The following HIVEP3 variants were observed in gnomAD, a reference collection of about 807,000 sequenced individuals.
The protein encoded by HIVEP3 is transcription factor HIVEP3.
A neutral mutation model predicts 152.8 loss-of-function variants in HIVEP3; 49 were observed. The observed-to-expected ratio is 0.32, with a 90% CI of 0.26 to 0.41. The LOEUF is 0.41. HIVEP3 is among the 10% of genes least tolerant of loss of function. The pLI, the probability that HIVEP3 is intolerant of heterozygous loss-of-function variation, is 1.00. For synonymous variants in HIVEP3, 1,269 were observed against 1,289.0 expected (o/e 0.98, Z 0.33); for missense variants, 2,790 against 3,103.3 (o/e 0.90, Z 2.40).
At chr1:41,669,412 G>A (rs1016180739) in intron 2 of HIVEP3, among the ~76,000 whole-genome samples, 1 of 152,176 alleles carries the variant, frequency 6.6e-6, no homozygotes, top group African/African-American at 2.4e-5. Flanking sequence ...TGGGCCATGG[G>A]GTGCCCAGAC....
chr1:41,604,366 C>T lies in HIVEP3; in HGVS notation c.-521-19048G>A, dbSNP rs189016306. Among the ~76,000 whole-genome samples the T allele has an allele frequency of 2.6e-5, 4 of 152,262 alleles. No homozygotes were observed. In the East Asian group the frequency reaches 7.7e-4, roughly 29 times the overall value. On this transcript the variant is annotated intron_variant, in intron 3 of 8. Transcript: ENST00000372583. ...AATAAAAAAGAACAAAGTACTGCTA[C>T]AGACAAAAATATATATCTTACAGAT...
intron 1 of HIVEP3, among the ~76,000 whole-genome samples, chr1:41,736,956 C>T (rs1311572094): frequency 2.0e-5 from 3 of 152,178 alleles, no homozygotes; most frequent in Non-Finnish European, 4.4e-5. Flanking sequence ...ACTCTTCAGG[C>T]TCCAGCCACC....
chr1:41,622,794 T>A (rs1222688117), intron 3 of HIVEP3, among the ~76,000 whole-genome samples: 1 of 152,162 alleles, frequency 6.6e-6, no homozygotes, highest in Admixed American at 6.5e-5. Flanking sequence ...AAAGGGAAGG[T>A]GGCTGGGAGG....
chr1:41,914,071 A>T (rs1437825969), intron 1 of HIVEP3, among the ~76,000 whole-genome samples: 1 of 152,166 alleles, frequency 6.6e-6, no homozygotes, highest in Non-Finnish European at 1.5e-5. Flanking sequence ...ATCCACAAGA[A>T]TTCCAGCTGC....
chr1:41,659,621 G>T (rs763449772), intron 2 of HIVEP3, among the ~76,000 whole-genome samples: 1 of 152,202 alleles, frequency 6.6e-6, no homozygotes, highest in African/African-American at 2.4e-5. Flanking sequence ...CAGGCTCTCT[G>T]CTAGATGCTG....
intron 3 of HIVEP3, among the ~76,000 whole-genome samples, chr1:41,609,769 C>T (rs1259907791): frequency 6.6e-6 from 1 of 152,274 alleles, no homozygotes; most frequent in African/African-American, 2.4e-5. Flanking sequence ...TGCCCTTTCC[C>T]TCCTAGACAT....
At chr1:41,808,640 G>A (rs1030164935) in intron 1 of HIVEP3, among the ~76,000 whole-genome samples, 1 of 152,232 alleles carries the variant, frequency 6.6e-6, no homozygotes, top group Non-Finnish European at 1.5e-5. Context: ...TCCCAGGCCT[G>A]TTAACTAGCA....
At chr1:41,966,813 G>A (rs1645201433) in intron 1 of HIVEP3, among the ~76,000 whole-genome samples, 1 of 151,704 alleles carries the variant, frequency 6.6e-6, no homozygotes, top group Non-Finnish European at 1.5e-5. Flanking sequence ...CCATCTCACA[G>A]GCAAAGACAT....
chr1:41,879,637 A>G (rs1191433075), intron 1 of HIVEP3, among the ~76,000 whole-genome samples: 1 of 152,086 alleles, frequency 6.6e-6, no homozygotes, highest in East Asian at 1.9e-4. Context: ...TCCAGCCAAT[A>G]CCCTGCTTCT....
Position 41,507,571 on chromosome 1 carries a change from A to T in HIVEP3, c.*2880T>A, listed in dbSNP as rs1644396410. On this transcript the variant is annotated 3_prime_UTR_variant, in exon 9 of 9. Coordinates refer to ENST00000372583, the MANE Select transcript of HIVEP3 (RefSeq NM_024503.5). ...GTACCGAGGAATGGCCACCCCGCGCATTTCAACAGAGCACGTAGCAGGCAT... is the reference window on the plus strand; with the variant it reads ...GTACCGAGGAATGGCCACCCCGCGCTTTTCAACAGAGCACGTAGCAGGCAT... The T allele has an allele frequency of 6.6e-6, 1 of 152,306 alleles. No individual in the cohort carries two copies. Among genetic ancestry groups the T allele is most frequent in the Non-Finnish European group, 1.5e-5 (1 of 68,130 alleles). 9.4% of individuals were successfully genotyped at this position (152,306 alleles called of 1,614,324 possible). A position where few individuals can be genotyped will look rare whatever the true frequency, so the allele number is the denominator to read the frequency against.
At chr1:41,835,227 G>A (rs894629490) in intron 1 of HIVEP3, among the ~76,000 whole-genome samples, 2 of 152,176 alleles carry the variant, frequency 1.3e-5, no homozygotes, top group Non-Finnish European at 2.9e-5. Flanking sequence ...CCACAGACTA[G>A]GTGGCTTAAA....
intron 2 of HIVEP3, among the ~76,000 whole-genome samples, chr1:41,681,876 G>A (rs1419722786): frequency 2.6e-5 from 4 of 152,148 alleles, no homozygotes; most frequent in Non-Finnish European, 4.4e-5. Context: ...TGCAAATTCC[G>A]ATTCATTTAC....
intron 1 of HIVEP3, among the ~76,000 whole-genome samples, chr1:42,025,622 G>A (rs1645577635): frequency 6.6e-6 from 1 of 152,224 alleles, no homozygotes; most frequent in Non-Finnish European, 1.5e-5. Context: ...GGAAGAAGGT[G>A]CCCTCCTCCG....
chr1:42,024,061 A>G (rs1645569274), intron 1 of HIVEP3, among the ~76,000 whole-genome samples: 1 of 152,230 alleles, frequency 6.6e-6, no homozygotes, highest in South Asian at 2.1e-4. Context: ...CATTGTTATT[A>G]CAATAGCTTT....
At chr1:42,004,489 C>T (rs551004174) in intron 1 of HIVEP3, among the ~76,000 whole-genome samples, 1 of 152,226 alleles carries the variant, frequency 6.6e-6, no homozygotes, top group East Asian at 1.9e-4. Flanking sequence ...CAGCTGCAAC[C>T]TCTCTGAGTT....
intron 1 of HIVEP3, among the ~76,000 whole-genome samples, chr1:41,818,857 A>G (rs997041652): frequency 2.0e-5 from 3 of 152,084 alleles, no homozygotes; most frequent in African/African-American, 7.2e-5. Context: ...CTCTCCAGGT[A>G]GTTTAAGCAT....
intron 1 of HIVEP3, among the ~76,000 whole-genome samples, chr1:41,811,905 A>G (rs60014355): frequency 6.6e-6 from 1 of 152,116 alleles, no homozygotes; most frequent in Non-Finnish European, 1.5e-5. Context: ...GGAAAAAAAA[A>G]TACTTTATTC....
At chr1:41,627,444 A>G (rs936466153) in intron 3 of HIVEP3, among the ~76,000 whole-genome samples, 6 of 152,164 alleles carry the variant, frequency 3.9e-5, no homozygotes, top group African/African-American at 1.2e-4. Context: ...TGAGGCTCCA[A>G]TGCCCAGTTC....
At chr1:41,872,735 T>C (rs144199135) in intron 1 of HIVEP3, among the ~76,000 whole-genome samples, 1 of 152,358 alleles carries the variant, frequency 6.6e-6, no homozygotes, top group Non-Finnish European at 1.5e-5. Flanking sequence ...CGGTAGTTTG[T>C]TCCTTTTTAT....
Sources: allele counts gnomAD v4.1 joint callset (sites outside exome capture counted in the v4.1 genomes callset), GRCh38; gene constraint gnomAD v4.1.1; transcripts MANE v1.5; gene names NCBI Gene and HGNC (gene_info 2026-07-23, HGNC 2026-07-21).